Variants in SLC4A4 observed in about 807,000 individuals in gnomAD.
The protein encoded by SLC4A4 is solute carrier family 4 member 4.
A neutral mutation model predicts 111.5 loss-of-function variants in SLC4A4; 27 were observed. The observed-to-expected ratio is 0.24, with a 90% confidence interval of 0.18 to 0.33. SLC4A4 has a LOEUF of 0.33. SLC4A4 is among the 10% of genes least tolerant of loss of function. The probability of loss-of-function intolerance (pLI) is 1.00; values close to 1 mark genes in which losing one functional copy is unlikely to be tolerated. For missense variants in SLC4A4, 909 were observed against 1,315.5 expected, an observed-to-expected ratio of 0.69 and a Z score of 4.78; for synonymous variants, 443 against 463.4, an observed-to-expected ratio of 0.96 and a Z score of 0.57.
At chr4:71,439,166 C>T (rs1484261245) in intron 7 of SLC4A4, among the ~76,000 whole-genome samples, 12 of 151,970 alleles carry the variant, frequency 7.9e-5, no homozygotes, top group African/African-American at 2.4e-4. Flanking sequence ...CAGTGGCTCA[C>T]GCCTGTAATC....
intron 1 of SLC4A4, among the ~76,000 whole-genome samples, chr4:71,221,771 A>G (rs1013292369): frequency 6.6e-6 from 1 of 152,174 alleles, no homozygotes; most frequent in African/African-American, 2.4e-5. Context: ...GGCCTTTGTC[A>G]TGAGCACTGA....
At chr4:71,064,158 G>A (rs960115617) in intron 1 of SLC4A4, among the ~76,000 whole-genome samples, 1 of 152,180 alleles carries the variant, frequency 6.6e-6, no homozygotes, top group African/African-American at 2.4e-5. Flanking sequence ...ATTTTAGAGA[G>A]GCAATATGTA....
At chr4:71,322,437 C>A (rs1727187859) in intron 3 of SLC4A4, among the ~76,000 whole-genome samples, 1 of 151,908 alleles carries the variant, frequency 6.6e-6, no homozygotes, top group Non-Finnish European at 1.5e-5. Context: ...GCGCTTGTGA[C>A]AGTAATATTG....
intron 7 of SLC4A4, among the ~76,000 whole-genome samples, chr4:71,439,961 CA>C (rs1207338136): frequency 1.3e-5 from 2 of 151,818 alleles, no homozygotes; most frequent in African/African-American, 4.8e-5. Context: ...CAGCTTCCAC[CA>C]CATTTGGATT....
chr4:71,188,785 C>T (rs2148993070), intron 1 of SLC4A4, among the ~76,000 whole-genome samples: 1 of 152,186 alleles, frequency 6.6e-6, no homozygotes, highest in East Asian at 1.9e-4. Flanking sequence ...TTCATATTAG[C>T]ATGTAAATAA....
At chr4:71,451,959 C>T (rs1725800182) in intron 11 of SLC4A4, among the ~76,000 whole-genome samples, 1 of 152,224 alleles carries the variant, frequency 6.6e-6, no homozygotes, top group African/African-American at 2.4e-5. Context: ...ATTCAGGTTT[C>T]CTAAATTGCT....
intron 2 of SLC4A4, among the ~76,000 whole-genome samples, chr4:71,167,789 A>G (rs1334304295): frequency 1.3e-5 from 2 of 152,206 alleles, no homozygotes; most frequent in East Asian, 3.9e-4. Context: ...TTTCCAAAAC[A>G]AAATGTAGGA....
At chr4:71,546,949 T>C (rs1226995833) in intron 19 of SLC4A4, among the ~76,000 whole-genome samples, 5 of 151,964 alleles carry the variant, frequency 3.3e-5, no homozygotes, top group African/African-American at 9.7e-5. Flanking sequence ...ACTGAGAAAC[T>C]TTAACCTCCA....
intron 3 of SLC4A4, among the ~76,000 whole-genome samples, chr4:71,315,097 TA>T (rs1726573343): frequency 1.3e-5 from 2 of 152,136 alleles, no homozygotes; most frequent in Non-Finnish European, 2.9e-5. Context: ...TTTATAAAGT[TA>T]TCAAGCTGAA....
chr4:71,529,357 TTATACCTTAAA>T (rs2149205766), intron 16 of SLC4A4, among the ~76,000 whole-genome samples: 1 of 152,286 alleles, frequency 6.6e-6, no homozygotes, highest in South Asian at 2.1e-4. Flanking sequence ...TTCAACAGTA[TTATACCTTAAA>T]TAATTTCTTA....
At chr4:71,462,121 A>G (rs1726889962) in intron 12 of SLC4A4, among the ~76,000 whole-genome samples, 1 of 152,192 alleles carries the variant, frequency 6.6e-6, no homozygotes, top group Non-Finnish European at 1.5e-5. Context: ...AGAGAGGCTG[A>G]AAAGAAGGTG....
chr4:71,536,691 T>C (rs894704128), intron 18 of SLC4A4, among the ~76,000 whole-genome samples: 4 of 150,352 alleles, frequency 2.7e-5, no homozygotes, highest in Non-Finnish European at 5.9e-5. Flanking sequence ...AGACGGGTTT[T>C]TGCCATGTTG....
At chr4:71,131,659 G>A (rs904709220) in intron 2 of SLC4A4, among the ~76,000 whole-genome samples, 1 of 152,210 alleles carries the variant, frequency 6.6e-6, no homozygotes, top group South Asian at 2.1e-4. Flanking sequence ...ATTGGTAAAT[G>A]CATTATTGAC....
chr4:71,073,851 A>T (rs1741732771), intron 1 of SLC4A4, among the ~76,000 whole-genome samples: 1 of 152,100 alleles, frequency 6.6e-6, no homozygotes, highest in Non-Finnish European at 1.5e-5. Flanking sequence ...TGAAAGGCTG[A>T]GGCGGGTTGA....
At chr4:71,252,032 A>G (rs1721102621) in intron 2 of SLC4A4, among the ~76,000 whole-genome samples, 1 of 152,184 alleles carries the variant, frequency 6.6e-6, no homozygotes, top group African/African-American at 2.4e-5. Flanking sequence ...CAGTCATTTT[A>G]TGAGTTATAA....
At chr4:71,340,491 C>T (rs1263167569) in intron 4 of SLC4A4, among the ~76,000 whole-genome samples, 2 of 152,044 alleles carry the variant, frequency 1.3e-5, no homozygotes, top group Non-Finnish European at 2.9e-5. Context: ...GTTTTATATA[C>T]AGGAAAAAAA....
intron 7 of SLC4A4, among the ~76,000 whole-genome samples, chr4:71,430,571 T>C (rs1334396994): frequency 1.3e-5 from 2 of 152,114 alleles, no homozygotes; most frequent in South Asian, 2.1e-4. Context: ...CTCAAATTAA[T>C]TGAAGCCCAA....
intron 2 of SLC4A4, among the ~76,000 whole-genome samples, chr4:71,253,311 G>C (rs149352815): frequency 0.01 from 1,556 of 152,090 alleles, 34 homozygotes; most frequent in African/African-American, 0.036. Context: ...CATATAGACT[G>C]TCTATTAAAT....
chr4:71,541,412 G>T (rs1222484923), intron 18 of SLC4A4, among the ~76,000 whole-genome samples: 1 of 152,130 alleles, frequency 6.6e-6, no homozygotes, highest in Non-Finnish European at 1.5e-5. Context: ...GCACTGAAAG[G>T]AGAGAATGGC....
Sources: gnomAD v4.1 joint callset for allele counts (sites outside exome capture counted in the v4.1 genomes callset) on GRCh38, gnomAD v4.1.1 for gene constraint, MANE v1.5 for transcripts, NCBI Gene and HGNC (gene_info 2026-07-23, HGNC 2026-07-21) for gene names.